Variants in GPC6 observed in about 807,000 individuals in gnomAD.
GPC6 encodes glypican 6, also known as glypican-6.
A neutral mutation model predicts 55.2 loss-of-function variants in GPC6; 14 were observed. That is an observed-to-expected ratio of 0.25 (90% CI 0.17 to 0.40). The LOEUF is 0.40. Ranked by LOEUF, GPC6 falls within the 10% of genes least tolerant of loss-of-function variation. The pLI is 1.00. For missense variants in GPC6, 641 were observed against 708.5 expected (o/e 0.90, Z 1.08); for synonymous variants, 278 against 259.6 (o/e 1.07, Z -0.68).
At chr13:94,270,080 G>C (rs987115631) in intron 4 of GPC6, among the ~76,000 whole-genome samples, 2 of 151,992 alleles carry the variant, frequency 1.3e-5, no homozygotes, top group African/African-American at 2.4e-5. Flanking sequence ...TTCAAGTGTA[G>C]GAAATATATT....
At chr13:93,652,192 C>G (rs1445972558) in intron 2 of GPC6, among the ~76,000 whole-genome samples, 1 of 152,120 alleles carries the variant, frequency 6.6e-6, no homozygotes, top group Non-Finnish European at 1.5e-5. Flanking sequence ...TTTTATAGAA[C>G]TATCTTCATA....
In GPC6 at chr13:94,403,242, C is replaced by T; in HGVS notation, c.*25C>T. ...ATCTTGGGTTTTTGGTCAGATGAAA[C>T]TGCATTTTAGCTATCTGAATGGCCA... On this transcript the variant is annotated 3_prime_UTR_variant, in exon 9 of 9. Coordinates refer to ENST00000377047, the MANE Select transcript of GPC6 (RefSeq NM_005708.5). 6.5e-7 allele frequency: 1 copy of T among 1,530,354 alleles called. No homozygotes were observed. Among genetic ancestry groups the T allele is most frequent in the Non-Finnish European group, 9.0e-7 (1 of 1,105,342 alleles). The allele number at this position is 1,530,354 out of a possible 1,614,324, so 94.8% of individuals were successfully genotyped here.
intron 6 of GPC6, among the ~76,000 whole-genome samples, chr13:94,338,852 G>A (rs1006500593): frequency 2.0e-5 from 3 of 152,106 alleles, no homozygotes; most frequent in Non-Finnish European, 4.4e-5. Flanking sequence ...GTCATGGTGG[G>A]AGATGGCTGA....
chr13:93,431,990 T>C (rs1877378019), intron 1 of GPC6, among the ~76,000 whole-genome samples: 1 of 152,154 alleles, frequency 6.6e-6, no homozygotes, highest in Non-Finnish European at 1.5e-5. Context: ...CAGAGTTCTT[T>C]CATCTGAAAT....
intron 2 of GPC6, among the ~76,000 whole-genome samples, chr13:93,697,530 T>C (rs778495272): frequency 9.2e-5 from 14 of 152,192 alleles, no homozygotes; most frequent in Non-Finnish European, 1.8e-4. Context: ...ATTCTGTCGG[T>C]TTTTGCTGTT....
intron 2 of GPC6, among the ~76,000 whole-genome samples, chr13:93,597,026 A>T: frequency 7.0e-6 from 1 of 142,082 alleles, no homozygotes; most frequent in Admixed American, 6.8e-5. Context: ...AAAAAAAAAA[A>T]AAAAGAAAAG....
chr13:94,270,580 G>T (rs963733049), intron 4 of GPC6, among the ~76,000 whole-genome samples: 4 of 151,790 alleles, frequency 2.6e-5, no homozygotes, highest in Admixed American at 2.6e-4. Context: ...AGTTACAGAT[G>T]ATTTTTATTC....
intron 6 of GPC6, among the ~76,000 whole-genome samples, chr13:94,363,115 G>A (rs1192751200): frequency 1.3e-5 from 2 of 151,974 alleles, no homozygotes; most frequent in Non-Finnish European, 2.9e-5. Context: ...TAGATTCAAC[G>A]AAAACTTTAA....
At chr13:93,770,592 A>C (rs1187147396) in intron 2 of GPC6, among the ~76,000 whole-genome samples, 1 of 152,152 alleles carries the variant, frequency 6.6e-6, no homozygotes, top group Non-Finnish European at 1.5e-5. Context: ...GTGGAGGTAG[A>C]AAGGCTTATC....
chr13:94,124,809 A>G (rs1000173983), intron 4 of GPC6, among the ~76,000 whole-genome samples: 2 of 152,086 alleles, frequency 1.3e-5, no homozygotes, highest in African/African-American at 4.8e-5. Context: ...GATAATATGA[A>G]TAATATAAAG....
intron 2 of GPC6, among the ~76,000 whole-genome samples, chr13:93,659,687 C>A (rs1880838271): frequency 1.3e-5 from 2 of 151,920 alleles, no homozygotes; most frequent in Non-Finnish European, 2.9e-5. Flanking sequence ...CTCACATGAA[C>A]CTATTCTCAT....
chr13:94,066,859 C>G (rs1884534216), intron 4 of GPC6, among the ~76,000 whole-genome samples: 1 of 152,174 alleles, frequency 6.6e-6, no homozygotes, highest in Non-Finnish European at 1.5e-5. Flanking sequence ...TATTAATTCT[C>G]TTTCAGAGAA....
At chr13:93,494,191 A>G (rs1324160616) in intron 1 of GPC6, among the ~76,000 whole-genome samples, 1 of 120,148 alleles carries the variant, frequency 8.3e-6, no homozygotes, top group Non-Finnish European at 1.7e-5. Flanking sequence ...GACTTGCTTT[A>G]TGAATCTGGG....
At chr13:93,404,876 A>C (rs1256092392) in intron 1 of GPC6, among the ~76,000 whole-genome samples, 1 of 152,190 alleles carries the variant, frequency 6.6e-6, no homozygotes, top group Non-Finnish European at 1.5e-5. Flanking sequence ...AATAAATACT[A>C]TCACATAGAA....
At chr13:93,322,405 A>T (rs1879478676) in intron 1 of GPC6, among the ~76,000 whole-genome samples, 1 of 149,500 alleles carries the variant, frequency 6.7e-6, no homozygotes, top group East Asian at 2.0e-4. Flanking sequence ...AGAAAATCTA[A>T]GTTAATTCTT....
At chr13:94,189,977 C>G (rs1052288293) in intron 4 of GPC6, among the ~76,000 whole-genome samples, 5 of 149,760 alleles carry the variant, frequency 3.3e-5, no homozygotes, top group Non-Finnish European at 7.4e-5. Flanking sequence ...TCCGAGATCA[C>G]GCCACTGCAC....
At chr13:93,694,611 T>TA (rs780059392) in intron 2 of GPC6, among the ~76,000 whole-genome samples, 16 of 152,118 alleles carry the variant, frequency 1.1e-4, no homozygotes, top group Non-Finnish European at 2.2e-4. Flanking sequence ...CCAATGTGAT[T>TA]AAACCGAGTT....
chr13:93,529,844 T>C (rs1336145342), intron 1 of GPC6, among the ~76,000 whole-genome samples: 1 of 152,138 alleles, frequency 6.6e-6, no homozygotes, highest in Non-Finnish European at 1.5e-5. Context: ...ACAAAGTCTC[T>C]GCTTATTCTT....
chr13:94,063,622 A>C (rs1312912878), intron 4 of GPC6, among the ~76,000 whole-genome samples: 1 of 152,194 alleles, frequency 6.6e-6, no homozygotes, highest in Non-Finnish European at 1.5e-5. Flanking sequence ...ATTCAAAAAC[A>C]GATAAAATAG....
Sources: gnomAD v4.1 joint callset for allele counts (sites outside exome capture counted in the v4.1 genomes callset) on GRCh38, gnomAD v4.1.1 for gene constraint, MANE v1.5 for transcripts, NCBI Gene and HGNC (gene_info 2026-07-23, HGNC 2026-07-21) for gene names.